SH2B2: variants seen among roughly 807,000 people sequenced by gnomAD.
The protein encoded by SH2B2 is SH2B adaptor protein 2, also known as SH2B adapter protein 2.
SH2B2 carries 37 observed loss-of-function variants against 35.7 expected under a neutral mutation model. The ratio of observed to expected loss-of-function variants is 1.04; its 90% CI spans 0.80 to 1.36. The LOEUF (loss-of-function observed/expected upper bound fraction) is 1.36, where lower values mean the gene tolerates loss of function less well. SH2B2 is among the 40% of genes most tolerant of loss of function. The pLI is 0.00. For synonymous variants in SH2B2, 383 were observed against 376.4 expected, an observed-to-expected ratio of 1.02 and a Z score of -0.20; for missense variants, 852 against 817.7, an observed-to-expected ratio of 1.04 and a Z score of -0.51.
At chr7:102,316,122 C>T (rs1247807289) in intron 6 of SH2B2, among the ~76,000 whole-genome samples, 1 of 151,676 alleles carries the variant, frequency 6.6e-6, no homozygotes, top group Non-Finnish European at 1.5e-5. Context: ...AAAAAATAAA[C>T]AAAAATTAGC....
In SH2B2 at chr7:102,309,888, C is replaced by T. The variant is rs1483539807; in HGVS notation, c.923+982C>T. 2.6e-5 allele frequency among the ~76,000 whole-genome samples: 4 copies of T among 152,258 alleles called. No individual in the cohort carries two copies. The East Asian group carries it at 7.7e-4, about 29-fold the overall frequency. On this transcript the variant is annotated intron_variant, in intron 4 of 8. Coordinates refer to ENST00000444095, the MANE Select transcript of SH2B2 (RefSeq NM_001359228.2). ...GGCACGGTGGCATGCATCTGTTATCCCAGCTACTCAGGAGGCTGAGGCTGG... is the reference window on the plus strand; with the variant it reads ...GGCACGGTGGCATGCATCTGTTATCTCAGCTACTCAGGAGGCTGAGGCTGG...
rs935461938 is a variant in SH2B2 at position 102,306,047 on chromosome 7, A to G, written c.730-674A>G. ...CAAATAGCTGGAACTACAGGCACTC[A>G]TGCCACCACACTCGGCTAAGTTTTT... On this transcript the variant is annotated intron_variant, in intron 2 of 8. Coordinates refer to ENST00000444095, the MANE Select transcript of SH2B2 (RefSeq NM_001359228.2). Among the ~76,000 whole-genome samples the G allele has an allele frequency of 2.0e-5, 3 of 151,546 alleles. No homozygotes were observed. In the East Asian group the frequency reaches 5.8e-4, roughly 29 times the overall value.
At chr7:102,309,223 G>A (rs535553147) in intron 4 of SH2B2, 30 of 523,738 alleles carry the variant, frequency 5.7e-5, no homozygotes, top group South Asian at 3.7e-4. Flanking sequence ...AGTCCCCAAA[G>A]GGCTGGGGGC....
intron 2 of SH2B2, 41 bp downstream of exon 2, chr7:102,301,320 A>T (rs1273091069): frequency 1.3e-6 from 2 of 1,567,362 alleles, no homozygotes; most frequent in Non-Finnish European, 1.7e-6. Flanking sequence ...GGGGGACCAG[A>T]GGAGGCACCT....
At chr7:102,289,389 G>T (rs187232969) in intron 1 of SH2B2, among the ~76,000 whole-genome samples, 83 of 152,136 alleles carry the variant, frequency 5.5e-4, no homozygotes, top group Non-Finnish European at 2.2e-4. Context: ...CGAGGCCTCT[G>T]TGGGCTTGGG....
At chr7:102,316,204 G>A (rs1447872375) in intron 6 of SH2B2, among the ~76,000 whole-genome samples, 1 of 152,114 alleles carries the variant, frequency 6.6e-6, no homozygotes, top group Non-Finnish European at 1.5e-5. Flanking sequence ...TTGAGCCCAG[G>A]AGGCCAAGGC....
At chr7:102,317,958 G>T (rs1422643582) in intron 7 of SH2B2, among the ~76,000 whole-genome samples, 3 of 152,074 alleles carry the variant, frequency 2.0e-5, no homozygotes, top group Non-Finnish European at 4.4e-5. Flanking sequence ...AGGGGGTGGG[G>T]TTCAGCATTG....
chr7:102,320,384 G>A lies in SH2B2; in HGVS notation c.1449G>A (p.Trp483Ter). 6.2e-7 allele frequency: 1 copy of A among 1,613,460 alleles called. No homozygotes were observed. Among genetic ancestry groups the A allele is most frequent in the Non-Finnish European group, 8.5e-7 (1 of 1,179,868 alleles). ...GCCAGTGTCACGTACAGCATCTGTG[G>A]TTCCAGTCTGTGCTTGACATGCTCC... ...GHGQCHVQHLWFQSVLDMLRH... is the reference protein window; with the variant it reads ...GHGQCHVQHL Residue 483 changes from tryptophan to a stop codon, truncating the protein, a stop_gained, in exon 8 of 9, where the codon TGG becomes TGA. Coordinates refer to ENST00000444095, the MANE Select transcript of SH2B2 (RefSeq NM_001359228.2). LOFTEE classifies it high-confidence loss of function.
intron 7 of SH2B2, among the ~76,000 whole-genome samples, chr7:102,318,756 A>T (rs2960259): frequency 6.6e-6 from 1 of 151,942 alleles, no homozygotes; most frequent in Non-Finnish European, 1.5e-5. Context: ...TGGCCCCACC[A>T]TGCAGGAGGT....
chr7:102,292,787 A>G (rs888787615), intron 1 of SH2B2, among the ~76,000 whole-genome samples: 4 of 152,074 alleles, frequency 2.6e-5, no homozygotes, highest in African/African-American at 9.7e-5. Context: ...ATAGGAGAGA[A>G]CCCTTAGTTC....
At chr7:102,302,656 C>T (rs976426156) in intron 2 of SH2B2, among the ~76,000 whole-genome samples, 2 of 152,260 alleles carry the variant, frequency 1.3e-5, no homozygotes, top group African/African-American at 2.4e-5. Context: ...CCCACCCCAG[C>T]GAGGTGAGCA....
intron 8 of SH2B2, among the ~76,000 whole-genome samples, chr7:102,321,016 C>T (rs1282955785): frequency 1.4e-5 from 2 of 147,068 alleles, no homozygotes; most frequent in South Asian, 2.1e-4. Flanking sequence ...CATGGGCACG[C>T]GTGTGCTTGT....
At chr7:102,321,015 G>A (rs924751156) in intron 8 of SH2B2, among the ~76,000 whole-genome samples, 4 of 152,216 alleles carry the variant, frequency 2.6e-5, no homozygotes, top group Admixed American at 1.3e-4. Context: ...GCATGGGCAC[G>A]CGTGTGCTTG....
intron 8 of SH2B2, 123 bp from the exon 9 acceptor site, chr7:102,321,176 G>T (rs1202209736): frequency 1.2e-6 from 1 of 857,196 alleles, no homozygotes; most frequent in African/African-American, 1.8e-5. Context: ...ATATGTGTCC[G>T]AGGACATGGG....
rs782541583 is a variant in SH2B2 at position 102,317,257 on chromosome 7, C to T, written c.1257C>T (p.His419=). Residue 419 remains histidine (H), a synonymous_variant, in exon 7 of 9, where the codon CAC becomes CAT. Coordinates refer to ENST00000444095, the MANE Select transcript of SH2B2 (RefSeq NM_001359228.2). ...ELELSDYPWF[H]GTLSRVKAAQ... is the part of the protein sequence containing the mutation. ...AGCTATCCGACTACCCATGGTTCCA[C>T]GGGACACTGTCCCGGGTCAAGGCTG... The T allele has an allele frequency of 4.3e-6, 7 of 1,613,404 alleles. No homozygotes were observed. The highest frequency in any genetic ancestry group is 1.7e-4 in the Middle Eastern group (1 of 6,060).
chr7:102,317,595 T>C (rs1294888447), intron 7 of SH2B2, among the ~76,000 whole-genome samples, 200 bp downstream of exon 7: 1 of 152,170 alleles, frequency 6.6e-6, no homozygotes, highest in Non-Finnish European at 1.5e-5. Context: ...GGGACTGCAG[T>C]CAGCCCTATT....
In SH2B2 at chr7:102,287,022, GGGAGCCCGGCCGC is replaced by G. The variant is rs1792482750; in HGVS notation, c.-99_-87del. 1 of 151,368 alleles carries G rather than the reference GGGAGCCCGGCCGC, an allele frequency of 6.6e-6. No homozygotes were observed. Among genetic ancestry groups the G allele is most frequent in the African/African-American group, 2.4e-5 (1 of 41,312 alleles). The allele number at this position is 151,368 out of a possible 1,614,324, so 9.4% of individuals were successfully genotyped here. On this transcript the variant is annotated 5_prime_UTR_variant, in exon 1 of 9. The change abolishes the stop of an existing upstream ORF in the 5' untranslated region. Coordinates refer to ENST00000444095, the MANE Select transcript of SH2B2 (RefSeq NM_001359228.2). Reference sequence around the variant, plus strand: ...CGCGGGCCATGAGCCACCGGGCCCGGGGAGCCCGGCCGCGGTCCGGGCAGCGCTCAGCCGGCGC... The same window carrying G: ...CGCGGGCCATGAGCCACCGGGCCCGGGGTCCGGGCAGCGCTCAGCCGGCGC...
At chr7:102,294,026 G>C (rs1792804862) in intron 1 of SH2B2, among the ~76,000 whole-genome samples, 1 of 152,050 alleles carries the variant, frequency 6.6e-6, no homozygotes, top group Non-Finnish European at 1.5e-5. Context: ...AGAAGAGAAG[G>C]TTTTGTTTCG....
Position 102,321,634 on chromosome 7 carries a change from G to A in SH2B2, c.*4G>A, listed in dbSNP as rs1794093175. ...GAACCAGTACTCCTTCTACTAGCCC[G>A]CGGCGCCGCCCGGGTGGGACACGCC... On this transcript the variant is annotated 3_prime_UTR_variant, in exon 9 of 9. Transcript: ENST00000444095. The A allele has an allele frequency of 3.5e-6, 4 of 1,141,026 alleles. No homozygotes were observed. The highest frequency in any genetic ancestry group is 2.2e-6 in the Non-Finnish European group (2 of 928,168). 70.7% of individuals were successfully genotyped at this position (1,141,026 alleles called of 1,614,324 possible).
Sources: allele counts gnomAD v4.1 joint callset (sites outside exome capture counted in the v4.1 genomes callset), GRCh38; gene constraint gnomAD v4.1.1; transcripts MANE v1.5; gene names NCBI Gene and HGNC (gene_info 2026-07-23, HGNC 2026-07-21).